PRR12: variants seen among roughly 807,000 people sequenced by gnomAD.
PRR12 encodes the protein proline-rich protein 12.
A neutral mutation model predicts 138.0 loss-of-function variants in PRR12; 12 were observed. That is an observed-to-expected ratio of 0.09 (90% confidence interval 0.06 to 0.14). The LOEUF (loss-of-function observed/expected upper bound fraction) is 0.14, where lower values mean the gene tolerates loss of function less well. PRR12 is among the 10% of genes least tolerant of loss of function. The pLI, the probability that PRR12 is intolerant of heterozygous loss-of-function variation, is 1.00. For synonymous variants in PRR12, 1,567 were observed against 1,291.7 expected, an observed-to-expected ratio of 1.21 and a Z score of -4.57; for missense variants, 2,692 against 2,861.3, an observed-to-expected ratio of 0.94 and a Z score of 1.35.
chr19:49,596,709 C>G lies in PRR12; in HGVS notation c.2374C>G (p.Leu792Val). 1 of 1,606,364 alleles carries G rather than the reference C, an allele frequency of 6.2e-7. No individual in the cohort carries two copies. Among genetic ancestry groups the G allele is most frequent in the Non-Finnish European group, 8.5e-7 (1 of 1,179,160 alleles). The change falls in exon 4 of 14, where the codon CTG becomes GTG. Residue 792 changes from leucine (L) to valine (V), a missense_variant. Physicochemically the swap from Leu to Val is conservative, Grantham distance 32. Coordinates refer to ENST00000418929, the MANE Select transcript of PRR12 (RefSeq NM_020719.3). The surrounding 1 kb of genome is among the most constrained non-coding windows in gnomAD (Gnocchi z 5.6). ...GGAGGCCGGGGGCCCTGACCTCCCACTGGTGCTGCCTCCGCCTCCCCCCCA... is the reference window on the plus strand; with the variant it reads ...GGAGGCCGGGGGCCCTGACCTCCCAGTGGTGCTGCCTCCGCCTCCCCCCCA... ...LLEAGGPDLP[L>V]VLPPPPPQLL...
chr19:49,600,838 C>T (rs2080806398), intron 5 of PRR12, among the ~76,000 whole-genome samples: 1 of 152,074 alleles, frequency 6.6e-6, no homozygotes, highest in African/African-American at 2.4e-5. Flanking sequence ...GATTCTCCTG[C>T]CTCAGCCTCC....
At chr19:49,591,807 C>A in intron 1 of PRR12, 67 bp downstream of exon 1, 3 of 988,288 alleles carry the variant, frequency 3.0e-6, no homozygotes, top group South Asian at 3.1e-5. Flanking sequence ...CCGGGCCGGG[C>A]CGGGCCGGGC....
intron 9 of PRR12, among the ~76,000 whole-genome samples, chr19:49,619,047 ATC>A (rs1018035632): frequency 4.4e-4 from 67 of 152,002 alleles, no homozygotes; most frequent in African/African-American, 1.5e-3. Flanking sequence ...GCCAGCTCCC[ATC>A]TCGTCCCTCA....
chr19:49,607,216 C>T (rs970787206), intron 6 of PRR12, among the ~76,000 whole-genome samples: 11 of 152,016 alleles, frequency 7.2e-5, no homozygotes, highest in East Asian at 1.9e-4. Flanking sequence ...CGGCTACATG[C>T]GGTGGCTCAC....
rs1399668587 is a variant in PRR12, at chr19:49,622,924, TATATAGAGAG to T, written c.5721+1304_5721+1313del. Among the ~76,000 whole-genome samples the T allele has an allele frequency of 8.1e-3, 688 of 84,746 alleles. 10 individuals are homozygous for T. Among genetic ancestry groups the T allele is most frequent in the Middle Eastern group, 0.026 (4 of 152 alleles). 55.6% of individuals were successfully genotyped at this position (84,746 alleles called of 152,430 possible). A position where few individuals can be genotyped will look rare whatever the true frequency, so the allele number is the denominator to read the frequency against. On this transcript the variant is annotated intron_variant, in intron 11 of 13. Transcript: ENST00000418929. Reference sequence around the variant, plus strand: ...AAACAAAAACATATATATATATATATATATAGAGAGAGAGAGAGAGAGAGAGAGAGAGAAA... The same window carrying T: ...AAACAAAAACATATATATATATATATAGAGAGAGAGAGAGAGAGAGAGAAA...
rs1179489934 is a variant in PRR12, at chr19:49,597,293, T to G, written c.2958T>G (p.Ala986=). ...AGAGPPPGPP[A]YDPYGPYCPG... is the part of the protein sequence containing the mutation. ...CTGGGCCACCCCCCGGCCCCCCTGC[T>G]TATGATCCCTATGGGCCCTACTGTC... The change falls in exon 4 of 14, where the codon GCT becomes GCG. Residue 986 remains alanine, a synonymous_variant. Transcript: ENST00000418929. This position sits in a 1 kb window ranked among gnomAD's most constrained non-coding sequence, Gnocchi z 6.3. The G allele has an allele frequency of 2.6e-6, 4 of 1,560,896 alleles. No individual in the cohort carries two copies. In the Admixed American group the frequency reaches 5.6e-5, roughly 22 times the overall value.
In PRR12 at chr19:49,594,415, A is replaced by G; in HGVS notation, c.200-39A>G. 3 of 1,486,200 alleles carry G rather than the reference A, an allele frequency of 2.0e-6. No individual in the cohort carries two copies. The highest frequency in any genetic ancestry group is 2.7e-6 in the Non-Finnish European group (3 of 1,105,868). 92.1% of individuals were successfully genotyped at this position (1,486,200 alleles called of 1,614,324 possible). A position where few individuals can be genotyped will look rare whatever the true frequency, so the allele number is the denominator to read the frequency against. ...TTTCTCTCTTGACTGTATCCTACCC[A>G]CCCCCACCTGGCTGACTATAACCCC... On this transcript the variant is annotated intron_variant, in intron 2 of 13. Transcript: ENST00000418929. This position sits in a 1 kb window ranked among gnomAD's most constrained non-coding sequence, Gnocchi z 5.6.
Position 49,591,705 on chromosome 19 carries a change from G to A in PRR12, c.51G>A (p.Gly17=). The A allele has an allele frequency of 6.6e-7, 1 of 1,510,500 alleles. No homozygotes were observed. The allele number at this position is 1,510,500 out of a possible 1,614,324, so 93.6% of individuals were successfully genotyped here. A position where few individuals can be genotyped will look rare whatever the true frequency, so the allele number is the denominator to read the frequency against. The change falls in exon 1 of 14, where the codon GGG becomes GGA. Residue 17 remains glycine (G), a synonymous_variant. Transcript: ENST00000418929. The part of the protein sequence containing the change: ...SAGFGDPLGA[G]AGWSYERSAK... ...GCTTCGGGGACCCGCTCGGCGCCGG[G>A]GCGGGATGGAGTTACGAGAGGTCAG...
rs1006005000 is a variant in PRR12, at chr19:49,609,581, A to G, written c.4774-4952A>G. Among the ~76,000 whole-genome samples, 8 of 148,164 alleles carry G rather than the reference A, an allele frequency of 5.4e-5. 2 individuals are homozygous for G. Among genetic ancestry groups the G allele is most frequent in the African/African-American group, 1.8e-4 (7 of 39,352 alleles). ...ATGCTGCTGCACTCCAGCCTGGGCC[A>G]CAGAGTGAGACTGTCTCAAAAAAAA... On this transcript the variant is annotated intron_variant, in intron 6 of 13. Coordinates refer to ENST00000418929, the MANE Select transcript of PRR12 (RefSeq NM_020719.3).
rs181651329 is a variant in PRR12, at chr19:49,608,344, T to A, written c.4774-6189T>A. ...GTCTCTACACAAAATTCTTTTTTTTTAAAATTTTTTATTTTTTGAGATGGA... is the reference window on the plus strand; with the variant it reads ...GTCTCTACACAAAATTCTTTTTTTTAAAAATTTTTTATTTTTTGAGATGGA... On this transcript the variant is annotated intron_variant, in intron 6 of 13. Coordinates refer to ENST00000418929, the MANE Select transcript of PRR12 (RefSeq NM_020719.3). Among the ~76,000 whole-genome samples, 1,502 of 152,092 alleles carry A rather than the reference T, an allele frequency of 9.9e-3. 16 individuals carry two copies. Among genetic ancestry groups the A allele is most frequent in the Non-Finnish European group, 0.012 (846 of 67,984 alleles).
intron 4 of PRR12, among the ~76,000 whole-genome samples, chr19:49,598,904 C>T (rs1159556431): frequency 2.6e-5 from 4 of 152,156 alleles, no homozygotes; most frequent in African/African-American, 7.2e-5. Flanking sequence ...AAGTGATTTG[C>T]CTGCCTCAGT....
At position 49,614,577 on chromosome 19, in the gene PRR12, C is replaced by T. The variant is rs942823434; in HGVS notation, c.4818C>T (p.Val1606=). ...GTGAACCCCCACCCATCTGGCGAGT[C>T]CAGAAGGCCCTTCTGCAGAAATTCA... The part of the protein sequence containing the change: ...TGREPPPIWR[V]QKALLQKFTP... Residue 1606 remains valine (V), a synonymous_variant, in exon 7 of 14, where the codon GTC becomes GTT. Coordinates refer to ENST00000418929, the MANE Select transcript of PRR12 (RefSeq NM_020719.3). The surrounding 1 kb of genome is among the most constrained non-coding windows in gnomAD (Gnocchi z 5.0). 1.3e-6 allele frequency: 2 copies of T among 1,561,144 alleles called. No individual in the cohort carries two copies. Among genetic ancestry groups the T allele is most frequent in the Non-Finnish European group, 8.7e-7 (1 of 1,152,820 alleles).
intron 6 of PRR12, among the ~76,000 whole-genome samples, chr19:49,604,260 T>G (rs540054173): frequency 6.6e-6 from 1 of 151,634 alleles, no homozygotes; most frequent in African/African-American, 2.4e-5. Context: ...CCCAGAACTT[T>G]GAGAGACTGA....
At chr19:49,621,454 C>T (rs1455277387) in intron 10 of PRR12, 71 bp from the exon 11 acceptor site, 10 of 1,252,228 alleles carry the variant, frequency 8.0e-6, no homozygotes, top group Non-Finnish European at 1.1e-5. Flanking sequence ...GACCCAGACT[C>T]CATGACCCCA....
In PRR12 at chr19:49,597,554, C is replaced by G. The variant is rs1277784332; in HGVS notation, c.3219C>G (p.Leu1073=). The change falls in exon 4 of 14, where the codon CTC becomes CTG. Residue 1073 remains leucine (L), a synonymous_variant. Coordinates refer to ENST00000418929, the MANE Select transcript of PRR12 (RefSeq NM_020719.3). The surrounding 1 kb of genome is among the most constrained non-coding windows in gnomAD (Gnocchi z 6.3). ...IFCSTKPKKL[L]KTSSFHLLRR... is the part of the protein sequence containing the mutation. ...GCTCTACCAAGCCAAAGAAGCTGCT[C>G]AAGACATCCTCCTTCCACCTGCTGC... is the stretch of plus-strand genomic sequence containing the variant. 1.0e-5 allele frequency: 16 copies of G among 1,589,324 alleles called. 1 individual carries two copies. Among genetic ancestry groups the G allele is most frequent in the Middle Eastern group, 1.6e-4 (1 of 6,072 alleles).
At position 49,617,025 on chromosome 19, in the gene PRR12, C is replaced by T. The variant is rs145442174; in HGVS notation, c.5497+806C>T. ...TGTGCCTGTAATCCCAGCTACTCAACGAGGCTGAGGCAGGAGAATCACTTG... is the reference window on the plus strand; with the variant it reads ...TGTGCCTGTAATCCCAGCTACTCAATGAGGCTGAGGCAGGAGAATCACTTG... On this transcript the variant is annotated intron_variant, in intron 9 of 13. Transcript: ENST00000418929. 5.7e-3 allele frequency among the ~76,000 whole-genome samples: 857 copies of T among 151,234 alleles called. 7 individuals carry two copies. Among genetic ancestry groups the T allele is most frequent in the African/African-American group, 0.018 (746 of 41,206 alleles).
At position 49,594,570 on chromosome 19, in the gene PRR12, G is replaced by A. The variant is rs201476912; in HGVS notation, c.316G>A (p.Ala106Thr). Residue 106 changes from alanine to threonine, a missense_variant, in exon 3 of 14, where the codon GCC (alanine) becomes ACC (threonine). Transcript: ENST00000418929. This position sits in a 1 kb window ranked among gnomAD's most constrained non-coding sequence, Gnocchi z 5.6. ...CCGGGGCCCCCAGCCTGGCCCCTCC[G>A]CCTCCTCTCTCCTCTCCCAGTTCCG... ...ESRGPQPGPSASSLLSQFRSP... is the reference protein window; with the variant it reads ...ESRGPQPGPSTSSLLSQFRSP... 31 of 1,612,864 alleles carry A rather than the reference G, an allele frequency of 1.9e-5. No homozygotes were observed. The East Asian group carries it at 4.0e-4, about 21-fold the overall frequency.
Position 49,625,256 on chromosome 19 carries a change from C to G in PRR12, c.5964+56C>G. ...GGGATTCCAACCTTTCTGACTTCCTCTTGGGATCTGAGGGTCCAAGCCCAG... is the reference window on the plus strand; with the variant it reads ...GGGATTCCAACCTTTCTGACTTCCTGTTGGGATCTGAGGGTCCAAGCCCAG... On this transcript the variant is annotated intron_variant, in intron 13 of 13. Transcript: ENST00000418929. The surrounding 1 kb of genome is among the most constrained non-coding windows in gnomAD (Gnocchi z 5.5). The G allele has an allele frequency of 6.4e-7, 1 of 1,568,870 alleles. No homozygotes were observed. Among genetic ancestry groups the G allele is most frequent in the Non-Finnish European group, 8.8e-7 (1 of 1,142,200 alleles).
In PRR12 at chr19:49,594,441, T is replaced by G. The variant is rs761641695; in HGVS notation, c.200-13T>G. ...CCCCCACCTGGCTGACTATAACCCCTGTCCCCGGCCAGGCCTCTCTGGACT... is the reference window on the plus strand; with the variant it reads ...CCCCCACCTGGCTGACTATAACCCCGGTCCCCGGCCAGGCCTCTCTGGACT... On this transcript the variant is annotated splice_polypyrimidine_tract_variant and intron_variant, in intron 2 of 13. Transcript: ENST00000418929. The surrounding 1 kb of genome is among the most constrained non-coding windows in gnomAD (Gnocchi z 5.6). 8.0e-7 allele frequency: 1 copy of G among 1,245,944 alleles called. No homozygotes were observed. The highest frequency in any genetic ancestry group is 1.1e-6 in the Non-Finnish European group (1 of 891,168). The allele number at this position is 1,245,944 out of a possible 1,614,324, so 77.2% of individuals were successfully genotyped here. A position where few individuals can be genotyped will look rare whatever the true frequency, so the allele number is the denominator to read the frequency against.
Sources: gnomAD v4.1 joint callset for allele counts (sites outside exome capture counted in the v4.1 genomes callset) on GRCh38, gnomAD v4.1.1 for gene constraint, Gnocchi (gnomAD v3.1) non-coding constraint, MANE v1.5 for transcripts, NCBI Gene and HGNC (gene_info 2026-07-23, HGNC 2026-07-21) for gene names.